The following CAMKMT variants were observed in gnomAD, a reference collection of about 807,000 sequenced individuals.
CAMKMT encodes calmodulin-lysine N-methyltransferase.
In CAMKMT, 53 loss-of-function variants were observed where a neutral mutation model predicts 48.0. The ratio of observed to expected loss-of-function variants is 1.10; its 90% confidence interval spans 0.89 to 1.39. The LOEUF (loss-of-function observed/expected upper bound fraction) is 1.39, where lower values mean the gene tolerates loss of function less well. Among genes scored for constraint, CAMKMT ranks in the 40% most tolerant of loss-of-function variants. The pLI is 0.00. For missense variants in CAMKMT, 428 were observed against 402.7 expected, an observed-to-expected ratio of 1.06 and a Z score of -0.54; for synonymous variants, 165 against 152.3, an observed-to-expected ratio of 1.08 and a Z score of -0.61.
rs573930060 is a variant in CAMKMT, at chr2:44,605,140, G to A, written c.377-99143G>A. 3.9e-5 allele frequency among the ~76,000 whole-genome samples: 6 copies of A among 152,022 alleles called. No individual in the cohort carries two copies. In the East Asian group the frequency reaches 1.2e-3, roughly 29 times the overall value. On this transcript the variant is annotated intron_variant, in intron 3 of 10. Transcript: ENST00000378494. Reference sequence around the variant, plus strand: ...CCTGCTCTTTTTCTTAATTATTTGTGTAATAGGGAGACAAAAACTCTTGAG... The same window carrying A: ...CCTGCTCTTTTTCTTAATTATTTGTATAATAGGGAGACAAAAACTCTTGAG...
At chr2:44,686,416 AAAAC>A (rs1216636914) in intron 3 of CAMKMT, among the ~76,000 whole-genome samples, 6 of 151,950 alleles carry the variant, frequency 3.9e-5, no homozygotes, top group Non-Finnish European at 5.9e-5. Flanking sequence ...AACAAAACAA[AAAAC>A]AAACAAACAA....
intron 2 of CAMKMT, among the ~76,000 whole-genome samples, chr2:44,385,118 G>T (rs556014490): frequency 6.6e-6 from 1 of 152,194 alleles, no homozygotes; most frequent in South Asian, 2.1e-4. Context: ...ATGAGCATGG[G>T]ATGTGTTTCC....
chr2:44,707,543 C>T, intron 6 of CAMKMT, 81 bp downstream of exon 6: 2 of 1,181,626 alleles, frequency 1.7e-6, no homozygotes, highest in Non-Finnish European at 2.5e-6. Context: ...TAAAGAAAGA[C>T]AGCATGGGGT....
At chr2:44,592,895 A>T (rs932747136) in intron 3 of CAMKMT, among the ~76,000 whole-genome samples, 1 of 152,138 alleles carries the variant, frequency 6.6e-6, no homozygotes, top group African/African-American at 2.4e-5. Flanking sequence ...ATTCAGCTCT[A>T]TTGGGTGGTG....
Position 44,372,602 on chromosome 2 carries a change from T to C in CAMKMT, c.139-114T>C, listed in dbSNP as rs923499869. The C allele has an allele frequency of 3.0e-5, 23 of 776,064 alleles. No individual in the cohort carries two copies. The African/African-American group carries it at 3.9e-4, about 13-fold the overall frequency. 48.1% of individuals were successfully genotyped at this position (776,064 alleles called of 1,614,324 possible). A position where few individuals can be genotyped will look rare whatever the true frequency, so the allele number is the denominator to read the frequency against. On this transcript the variant is annotated intron_variant, in intron 1 of 10. Coordinates refer to ENST00000378494, the MANE Select transcript of CAMKMT (RefSeq NM_024766.5). ...TAGGAGATATATCTGAATTATCTAA[T>C]CTGTCATTATTAGAAGGGAAAGTCC...
intron 3 of CAMKMT, among the ~76,000 whole-genome samples, chr2:44,490,845 A>G (rs1224884736): frequency 6.6e-6 from 1 of 152,138 alleles, no homozygotes; most frequent in Non-Finnish European, 1.5e-5. Context: ...CAATGAAGTC[A>G]TTTAGGAATG....
At chr2:44,490,348 T>C (rs1053976454) in intron 3 of CAMKMT, among the ~76,000 whole-genome samples, 1 of 152,198 alleles carries the variant, frequency 6.6e-6, no homozygotes, top group Non-Finnish European at 1.5e-5. Context: ...CGATCTTGGC[T>C]CACCACAACC....
intron 3 of CAMKMT, among the ~76,000 whole-genome samples, chr2:44,545,986 A>G (rs567858172): frequency 2.2e-4 from 33 of 152,300 alleles, no homozygotes; most frequent in African/African-American, 7.5e-4. Flanking sequence ...GACTTTAAGT[A>G]AGACTAAAGA....
At chr2:44,633,231 G>C (rs938474194) in intron 3 of CAMKMT, among the ~76,000 whole-genome samples, 3 of 152,050 alleles carry the variant, frequency 2.0e-5, no homozygotes, top group Non-Finnish European at 2.9e-5. Context: ...CTGGTTTTTA[G>C]TAATTTGATT....
chr2:44,522,472 G>T (rs1386491376), intron 3 of CAMKMT, among the ~76,000 whole-genome samples: 3 of 152,180 alleles, frequency 2.0e-5, no homozygotes, highest in African/African-American at 7.2e-5. Context: ...CTGCTGTGGG[G>T]CAATCCCCTT....
chr2:44,434,942 A>G lies in CAMKMT; in HGVS notation c.376+44637A>G, dbSNP rs188190374. Among the ~76,000 whole-genome samples, 15 of 152,332 alleles carry G rather than the reference A, an allele frequency of 9.8e-5. 1 individual carries two copies. The highest frequency in any genetic ancestry group is 4.4e-5 in the Non-Finnish European group (3 of 68,010). ...GAGGTCAAGTCAATTAGAAAACATTATAAGTAAGTTTGCTGTTATTTCCAA... is the reference window on the plus strand; with the variant it reads ...GAGGTCAAGTCAATTAGAAAACATTGTAAGTAAGTTTGCTGTTATTTCCAA... On this transcript the variant is annotated intron_variant, in intron 3 of 10. Transcript: ENST00000378494.
chr2:44,436,358 A>T (rs1403358917), intron 3 of CAMKMT, among the ~76,000 whole-genome samples: 1 of 152,076 alleles, frequency 6.6e-6, no homozygotes, highest in Non-Finnish European at 1.5e-5. Flanking sequence ...GATTATAGGT[A>T]TGAGCCCCTG....
intron 2 of CAMKMT, among the ~76,000 whole-genome samples, chr2:44,389,223 T>A (rs751233810): frequency 3.7e-4 from 57 of 152,228 alleles, no homozygotes; most frequent in Non-Finnish European, 7.1e-4. Flanking sequence ...CAATACCTCC[T>A]CTTCTTATAA....
At chr2:44,666,785 T>C (rs974988923) in intron 3 of CAMKMT, among the ~76,000 whole-genome samples, 1 of 151,898 alleles carries the variant, frequency 6.6e-6, no homozygotes, top group African/African-American at 2.4e-5. Flanking sequence ...AATTTTTGTA[T>C]TTTTAGTAAA....
At chr2:44,510,115 G>A (rs976190767) in intron 3 of CAMKMT, among the ~76,000 whole-genome samples, 2 of 152,092 alleles carry the variant, frequency 1.3e-5, no homozygotes, top group Non-Finnish European at 2.9e-5. Context: ...CTGCTCTACA[G>A]AGCTTATTCA....
chr2:44,472,947 G>A (rs903890064), intron 3 of CAMKMT, among the ~76,000 whole-genome samples: 10 of 152,124 alleles, frequency 6.6e-5, no homozygotes, highest in African/African-American at 2.4e-4. Flanking sequence ...TTGATATGCA[G>A]CCAGCATTTC....
chr2:44,420,040 G>A lies in CAMKMT; in HGVS notation c.376+29735G>A, dbSNP rs547068503. Among the ~76,000 whole-genome samples the A allele has an allele frequency of 1.3e-3, 192 of 152,194 alleles. 1 individual carries two copies. The highest frequency in any genetic ancestry group is 4.6e-3 in the African/African-American group (190 of 41,516). On this transcript the variant is annotated intron_variant, in intron 3 of 10. Transcript: ENST00000378494. ...TCATACAAGATTGCTGATCGCCCAA[G>A]TTTAGGTGAATACTCAGGAGAGGAA...
Position 44,426,535 on chromosome 2 carries a change from G to A in CAMKMT, c.376+36230G>A, listed in dbSNP as rs144228212. 3.6e-3 allele frequency among the ~76,000 whole-genome samples: 544 copies of A among 152,214 alleles called. 3 individuals are homozygous for A. Among genetic ancestry groups the A allele is most frequent in the African/African-American group, 0.013 (526 of 41,548 alleles). On this transcript the variant is annotated intron_variant, in intron 3 of 10. Coordinates refer to ENST00000378494, the MANE Select transcript of CAMKMT (RefSeq NM_024766.5). The stretch of plus-strand genomic sequence containing the variant: ...GTACAAAAATCTGTAGCATTTCTAT[G>A]TACCAATAACATTCAAGCTGAGAAC...
At chr2:44,557,135 G>C (rs1024789441) in intron 3 of CAMKMT, among the ~76,000 whole-genome samples, 2 of 152,122 alleles carry the variant, frequency 1.3e-5, no homozygotes, top group African/African-American at 4.8e-5. Flanking sequence ...TGATAATGTG[G>C]TTTCCAAGTA....
Sources: gnomAD v4.1 joint callset for allele counts (sites outside exome capture counted in the v4.1 genomes callset) on GRCh38, gnomAD v4.1.1 for gene constraint, MANE v1.5 for transcripts, NCBI Gene and HGNC (gene_info 2026-07-23, HGNC 2026-07-21) for gene names.